Variants in PDE4B observed in about 807,000 individuals in gnomAD.
The protein encoded by PDE4B is 3',5'-cyclic-AMP phosphodiesterase 4B.
In PDE4B, 20 loss-of-function variants were observed where a neutral mutation model predicts 82.2. The observed-to-expected ratio is 0.24, with a 90% CI of 0.17 to 0.35. The LOEUF is 0.35. Among genes scored for constraint, PDE4B ranks in the 10% least tolerant of loss-of-function variants. The pLI is 1.00. For missense variants in PDE4B, 655 were observed against 907.2 expected, an observed-to-expected ratio of 0.72 and a Z score of 3.57; for synonymous variants, 320 against 318.9, an observed-to-expected ratio of 1.00 and a Z score of -0.04.
At position 65,918,701 on chromosome 1, in the gene PDE4B, C is replaced by T; in HGVS notation, c.147C>T (p.Asn49=). The change falls in exon 3 of 17, where the codon AAC becomes AAT. Residue 49 remains asparagine, a synonymous_variant. Coordinates refer to ENST00000341517, the MANE Select transcript of PDE4B (RefSeq NM_002600.4). ...LWRGRRCCSG[N]LQLPPLSQRQ... is the part of the protein sequence containing the mutation. ...GAGGGAGAAGGTGTTGCTCAGGAAA[C>T]TTACAGTTACCACCACTGTCTCAAA... 6.2e-7 allele frequency: 1 copy of T among 1,613,504 alleles called. No homozygotes were observed. Among genetic ancestry groups the T allele is most frequent in the South Asian group, 1.1e-5 (1 of 91,076 alleles).
chr1:66,057,786 C>G (rs922577433), intron 3 of PDE4B, among the ~76,000 whole-genome samples: 4 of 152,140 alleles, frequency 2.6e-5, no homozygotes, highest in African/African-American at 9.7e-5. Context: ...CGGGTCCCTC[C>G]TACAACATGT....
chr1:66,094,266 G>A (rs530421531), intron 3 of PDE4B, among the ~76,000 whole-genome samples: 3 of 152,048 alleles, frequency 2.0e-5, no homozygotes, highest in South Asian at 2.1e-4. Context: ...AAATGACTGC[G>A]CTTCAGATTT....
chr1:66,115,955 A>G (rs1403336999), intron 3 of PDE4B, among the ~76,000 whole-genome samples: 3 of 152,164 alleles, frequency 2.0e-5, no homozygotes, highest in Non-Finnish European at 4.4e-5. Flanking sequence ...TTTATCTTAC[A>G]GTTTTAGCAT....
chr1:66,304,645 C>G (rs1336197011), intron 7 of PDE4B, among the ~76,000 whole-genome samples: 1 of 152,108 alleles, frequency 6.6e-6, no homozygotes, highest in Non-Finnish European at 1.5e-5. Flanking sequence ...GGGGTCATAT[C>G]AGAATCATCT....
intron 1 of PDE4B, among the ~76,000 whole-genome samples, chr1:65,852,284 G>A (rs912872257): frequency 2.6e-5 from 4 of 151,912 alleles, no homozygotes; most frequent in African/African-American, 9.6e-5. Flanking sequence ...TGTAGGATTG[G>A]CATTATTTTT....
intron 3 of PDE4B, among the ~76,000 whole-genome samples, chr1:66,011,589 A>G (rs547616109): frequency 6.6e-6 from 1 of 152,238 alleles, no homozygotes; most frequent in Admixed American, 6.5e-5. Context: ...TATTAGACTC[A>G]TCTCTTTGAT....
intron 3 of PDE4B, among the ~76,000 whole-genome samples, chr1:66,194,767 A>G: frequency 6.6e-6 from 1 of 152,064 alleles, no homozygotes; most frequent in East Asian, 1.9e-4. Context: ...TTATTTTTGT[A>G]TCTATGTGAG....
At chr1:66,038,494 C>T (rs888281199) in intron 3 of PDE4B, among the ~76,000 whole-genome samples, 2 of 151,858 alleles carry the variant, frequency 1.3e-5, no homozygotes, top group Non-Finnish European at 1.5e-5. Flanking sequence ...TGGCAACCCT[C>T]GGCATTCTTA....
chr1:66,269,723 A>G (rs948427059), intron 7 of PDE4B, among the ~76,000 whole-genome samples: 1 of 152,196 alleles, frequency 6.6e-6, no homozygotes, highest in Non-Finnish European at 1.5e-5. Context: ...TTCAATAGTA[A>G]TCACACATAT....
At chr1:66,226,139 T>C (rs1379504126) in intron 3 of PDE4B, among the ~76,000 whole-genome samples, 1 of 152,232 alleles carries the variant, frequency 6.6e-6, no homozygotes, top group African/African-American at 2.4e-5. Flanking sequence ...TTTAACTTAA[T>C]TTTTTAAAGC....
At chr1:66,324,331 ATC>A (rs984309395) in intron 7 of PDE4B, among the ~76,000 whole-genome samples, 18 of 151,902 alleles carry the variant, frequency 1.2e-4, no homozygotes, top group Non-Finnish European at 1.0e-4. Context: ...TCCCCTCTCA[ATC>A]TCTCTGTCCT....
chr1:65,930,095 AGAACTTG>A (rs2100513910), intron 3 of PDE4B, among the ~76,000 whole-genome samples: 1 of 152,322 alleles, frequency 6.6e-6, no homozygotes, highest in South Asian at 2.1e-4. Flanking sequence ...TCAAAACTGA[AGAACTTG>A]GAGTCCAATG....
intron 3 of PDE4B, among the ~76,000 whole-genome samples, chr1:66,219,489 T>C (rs980516157): frequency 6.6e-6 from 1 of 152,164 alleles, no homozygotes; most frequent in African/African-American, 2.4e-5. Context: ...CCTGTGGTGT[T>C]AGAGAACAAG....
intron 6 of PDE4B, among the ~76,000 whole-genome samples, chr1:66,264,020 G>A (rs1189643208): frequency 3.9e-5 from 6 of 152,188 alleles, no homozygotes; most frequent in African/African-American, 1.4e-4. Context: ...CAGGGATCAA[G>A]CGGTAAACAA....
chr1:65,901,305 A>C (rs528571524), intron 1 of PDE4B, among the ~76,000 whole-genome samples: 1 of 152,264 alleles, frequency 6.6e-6, no homozygotes, highest in South Asian at 2.1e-4. Flanking sequence ...AATAAAGCCT[A>C]CTGGATCATG....
intron 3 of PDE4B, among the ~76,000 whole-genome samples, chr1:65,928,477 C>G (rs1372233712): frequency 1.3e-5 from 2 of 152,162 alleles, no homozygotes; most frequent in Non-Finnish European, 2.9e-5. Flanking sequence ...CTACGCCCAC[C>G]TTGCCTTTGA....
intron 3 of PDE4B, among the ~76,000 whole-genome samples, chr1:66,229,588 C>T (rs909825838): frequency 4.6e-5 from 7 of 152,206 alleles, no homozygotes; most frequent in Non-Finnish European, 7.3e-5. Context: ...TACTCCACAC[C>T]TCAGCACATG....
intron 3 of PDE4B, among the ~76,000 whole-genome samples, chr1:65,985,189 T>G (rs1212397515): frequency 6.6e-6 from 1 of 152,204 alleles, no homozygotes; most frequent in African/African-American, 2.4e-5. Context: ...ATAAGGCTCA[T>G]AGTAGTAAAA....
At chr1:66,166,032 G>T (rs764827623) in intron 3 of PDE4B, among the ~76,000 whole-genome samples, 1 of 151,982 alleles carries the variant, frequency 6.6e-6, no homozygotes, top group African/African-American at 2.4e-5. Flanking sequence ...CTGACATAAG[G>T]TAGACATATA....
Sources: gnomAD v4.1 joint callset for allele counts (sites outside exome capture counted in the v4.1 genomes callset) on GRCh38, gnomAD v4.1.1 for gene constraint, MANE v1.5 for transcripts, NCBI Gene and HGNC (gene_info 2026-07-23, HGNC 2026-07-21) for gene names.